Variants in ADCY1 observed in about 807,000 individuals in gnomAD.
ADCY1 encodes the protein adenylate cyclase 1.
Under a neutral mutation model 105.4 loss-of-function variants are expected in ADCY1, and 28 were observed. That is an observed-to-expected ratio of 0.27 (90% CI 0.20 to 0.36). The LOEUF is 0.36. ADCY1 is among the 10% of genes least tolerant of loss of function. ADCY1 has a pLI of 1.00. For missense variants in ADCY1, 977 were observed against 1,434.2 expected (o/e 0.68, Z 5.15); for synonymous variants, 655 against 623.8 (o/e 1.05, Z -0.75).
At chr7:45,625,358 C>T (rs564953356) in intron 4 of ADCY1, among the ~76,000 whole-genome samples, 8 of 152,298 alleles carry the variant, frequency 5.3e-5, no homozygotes, top group South Asian at 4.1e-4. Flanking sequence ...AATGCACACA[C>T]GCATCAGAGA....
At chr7:45,639,428 A>G (rs1351931995) in intron 4 of ADCY1, among the ~76,000 whole-genome samples, 1 of 152,196 alleles carries the variant, frequency 6.6e-6, no homozygotes, top group African/African-American at 2.4e-5. Flanking sequence ...AGGAACATGA[A>G]CTGGTTGAAC....
chr7:45,610,829 A>AGTGGAAGTGTGGAGGTGATG (rs1793543663), intron 3 of ADCY1, among the ~76,000 whole-genome samples: 2 of 13,310 alleles, frequency 1.5e-4, no homozygotes. Context: ...TGGAGGTGAT[A>AGTGGAAGTGTGGAGGTGATG]GTGGAGGTGT....
At chr7:45,634,105 C>T (rs113181850) in intron 4 of ADCY1, among the ~76,000 whole-genome samples, 140 of 152,174 alleles carry the variant, frequency 9.2e-4, no homozygotes, top group Non-Finnish European at 1.6e-3. Context: ...ACTGAAACTC[C>T]GCTGAGCTCA....
At chr7:45,668,041 G>A (rs1340650446) in intron 8 of ADCY1, among the ~76,000 whole-genome samples, 1 of 152,104 alleles carries the variant, frequency 6.6e-6, no homozygotes. Context: ...GAGATGATGG[G>A]GTTTTCTAGA....
intron 14 of ADCY1, among the ~76,000 whole-genome samples, chr7:45,695,099 C>T (rs541091560): frequency 7.7e-4 from 117 of 152,354 alleles, no homozygotes; most frequent in African/African-American, 2.5e-3. Flanking sequence ...TCTCTACATG[C>T]GGCTTGGAAA....
chr7:45,679,579 C>T, intron 10 of ADCY1, 130 bp from the exon 11 acceptor site: 1 of 855,156 alleles, frequency 1.2e-6, no homozygotes, highest in Admixed American at 2.0e-5. Context: ...GGCAGGCATC[C>T]AGGTTAACGA....
chr7:45,710,469 T>G lies in ADCY1; in HGVS notation c.2933-59T>G, dbSNP rs1361870302. Reference sequence around the variant, plus strand: ...CAGCATCAGGTGCATTTGGTGGCCCTGGTGGGGTGAGTTACACTTTTCCCG... The same window carrying G: ...CAGCATCAGGTGCATTTGGTGGCCCGGGTGGGGTGAGTTACACTTTTCCCG... On this transcript the variant is annotated intron_variant, in intron 18 of 19. Coordinates refer to ENST00000297323, the MANE Select transcript of ADCY1 (RefSeq NM_021116.4). The surrounding 1 kb of genome is among the most constrained non-coding windows in gnomAD (Gnocchi z 4.7). 1 of 1,583,508 alleles carries G rather than the reference T, an allele frequency of 6.3e-7. No homozygotes were observed. The highest frequency in any genetic ancestry group is 1.3e-5 in the African/African-American group (1 of 74,092).
rs562066618 is a variant in ADCY1, at chr7:45,584,773, G to T, written c.640-7986G>T. 2.2e-4 allele frequency among the ~76,000 whole-genome samples: 33 copies of T among 152,334 alleles called. No homozygotes were observed. The East Asian group carries it at 6.0e-3, about 28-fold the overall frequency. ...CATCACCTGGTTACACTCCAGGAGG[G>T]CTTCTCTCCCAGCCTGTGGGGGCAC... On this transcript the variant is annotated intron_variant, in intron 1 of 19. Coordinates refer to ENST00000297323, the MANE Select transcript of ADCY1 (RefSeq NM_021116.4).
intron 2 of ADCY1, 21 bp downstream of exon 2, chr7:45,592,929 A>G (rs1010898229): frequency 6.8e-6 from 11 of 1,612,620 alleles, no homozygotes; most frequent in African/African-American, 1.3e-5. Context: ...TGGGCCAGTC[A>G]GCCTAGAGGG....
rs1785497207 is a variant in ADCY1 at position 45,722,539 on chromosome 7, G to C, written c.*8544G>C. On this transcript the variant is annotated 3_prime_UTR_variant, in exon 20 of 20. Coordinates refer to ENST00000297323, the MANE Select transcript of ADCY1 (RefSeq NM_021116.4). The stretch of plus-strand genomic sequence containing the variant: ...TTCCTCCGCCATCCTCATTTATACT[G>C]ATTGCACACCCCCCGCTCAAACAAC... 1 of 152,186 alleles carries C rather than the reference G, an allele frequency of 6.6e-6. No individual in the cohort carries two copies. The highest frequency in any genetic ancestry group is 2.4e-5 in the African/African-American group (1 of 41,422). 9.4% of individuals were successfully genotyped at this position (152,186 alleles called of 1,614,324 possible).
chr7:45,689,211 C>A (rs544098818), intron 14 of ADCY1, among the ~76,000 whole-genome samples: 2 of 152,164 alleles, frequency 1.3e-5, no homozygotes, highest in East Asian at 3.9e-4. Flanking sequence ...TCACTGTCAG[C>A]AGGGCTGTCT....
intron 5 of ADCY1, among the ~76,000 whole-genome samples, chr7:45,649,975 C>T (rs753785511): frequency 1.3e-5 from 2 of 152,140 alleles, no homozygotes; most frequent in Non-Finnish European, 2.9e-5. Context: ...GAAAAGCAGC[C>T]TGGCTGGAGG....
Position 45,718,248 on chromosome 7 carries a change from A to G in ADCY1, c.*4253A>G, listed in dbSNP as rs10225980. ...CTCAGTACTGGCCTCACACTGACCA[A>G]CGGTGGTATGCTGCAGTTTGTTGGT... On this transcript the variant is annotated 3_prime_UTR_variant, in exon 20 of 20. Transcript: ENST00000297323. 11,223 of 152,362 alleles carry G rather than the reference A, an allele frequency of 0.074. 459 individuals carry two copies. Among genetic ancestry groups the G allele is most frequent in the Middle Eastern group, 0.11 (33 of 296 alleles). The allele number at this position is 152,362 out of a possible 1,614,324, so 9.4% of individuals were successfully genotyped here. A position where few individuals can be genotyped will look rare whatever the true frequency, so the allele number is the denominator to read the frequency against.
At chr7:45,641,592 T>C (rs962804001) in intron 4 of ADCY1, among the ~76,000 whole-genome samples, 1 of 152,066 alleles carries the variant, frequency 6.6e-6, no homozygotes, top group Non-Finnish European at 1.5e-5. Flanking sequence ...TTACATCATC[T>C]CTAAAACCCA....
chr7:45,591,688 A>G lies in ADCY1; in HGVS notation c.640-1071A>G, dbSNP rs1014414333. Among the ~76,000 whole-genome samples, 1 of 152,250 alleles carries G rather than the reference A, an allele frequency of 6.6e-6. No homozygotes were observed. The highest frequency in any genetic ancestry group is 6.5e-5 in the Admixed American group (1 of 15,284). On this transcript the variant is annotated intron_variant, in intron 1 of 19. Transcript: ENST00000297323. This position sits in a 1 kb window ranked among gnomAD's most constrained non-coding sequence, Gnocchi z 4.1. ...CTGGCAGGACATGCCATGGCCCTGC[A>G]TGGCTCGTCAGAGTTGCCTGTGTCC...
chr7:45,708,455 C>A lies in ADCY1; in HGVS notation c.2923C>A (p.Leu975Ile). 1 of 1,613,026 alleles carries A rather than the reference C, an allele frequency of 6.2e-7. No individual in the cohort carries two copies. The highest frequency in any genetic ancestry group is 8.5e-7 in the Non-Finnish European group (1 of 1,178,986). ...INYQSYNDFV[L>I]RVGINVGPVV... ...CTACCAGTCTTACAACGACTTTGTC[C>A]TCCGAGTTGGTATGTGGCTCTAAAC... Residue 975 changes from leucine (L) to isoleucine (I), a missense_variant, in exon 18 of 20, where the codon CTC (leucine) becomes ATC (isoleucine). This residue lies in a region of ADCY1 where 152 missense variants were observed against 293.7 expected (regional missense o/e 0.52). Coordinates refer to ENST00000297323, the MANE Select transcript of ADCY1 (RefSeq NM_021116.4). This position sits in a 1 kb window ranked among gnomAD's most constrained non-coding sequence, Gnocchi z 4.7.
chr7:45,677,463 G>A (rs1385451018), intron 8 of ADCY1, among the ~76,000 whole-genome samples: 1 of 152,136 alleles, frequency 6.6e-6, no homozygotes, highest in Non-Finnish European at 1.5e-5. Flanking sequence ...AAGCCACTCC[G>A]TTTGCCACCG....
rs1482064478 is a variant in ADCY1 at position 45,668,606 on chromosome 7, C to A, written c.1605+6392C>A. On this transcript the variant is annotated intron_variant, in intron 8 of 19. Coordinates refer to ENST00000297323, the MANE Select transcript of ADCY1 (RefSeq NM_021116.4). Reference sequence around the variant, plus strand: ...TAAAATTCTCTTTTTTTTGTTGTGTCTTTGCCAGGCTTTGGTATCAGGATG... The same window carrying A: ...TAAAATTCTCTTTTTTTTGTTGTGTATTTGCCAGGCTTTGGTATCAGGATG... Among the ~76,000 whole-genome samples, 3 of 152,206 alleles carry A rather than the reference C, an allele frequency of 2.0e-5. No homozygotes were observed. In the South Asian group the frequency reaches 6.2e-4, roughly 32 times the overall value.
At chr7:45,633,678 C>T (rs1175799303) in intron 4 of ADCY1, among the ~76,000 whole-genome samples, 1 of 151,526 alleles carries the variant, frequency 6.6e-6, no homozygotes, top group Non-Finnish European at 1.5e-5. Context: ...GGCGGGCGCC[C>T]GTAGTCCCAG....
Sources: gnomAD v4.1 joint callset for allele counts (sites outside exome capture counted in the v4.1 genomes callset) on GRCh38, gnomAD v4.1.1 for gene constraint, gnomAD v4.1.1 regional missense constraint, Gnocchi (gnomAD v3.1) non-coding constraint, MANE v1.5 for transcripts, NCBI Gene and HGNC (gene_info 2026-07-23, HGNC 2026-07-21) for gene names.